NUDCD3: variants seen among roughly 807,000 people sequenced by gnomAD.
NUDCD3 encodes nudC domain-containing protein 3.
Under a neutral mutation model 39.7 loss-of-function variants are expected in NUDCD3, and 13 were observed. That is an observed-to-expected ratio of 0.33 (90% confidence interval 0.21 to 0.52). NUDCD3 has a LOEUF of 0.52. Among genes scored for constraint, NUDCD3 ranks in the 20% least tolerant of loss-of-function variants. The pLI is 0.96. For missense variants in NUDCD3, 453 were observed against 458.1 expected (o/e 0.99, Z 0.10); for synonymous variants, 175 against 172.4 (o/e 1.02, Z -0.12).
intron 2 of NUDCD3, chr7:44,467,947 C>A: frequency 6.2e-7 from 1 of 1,609,834 alleles, no homozygotes. Flanking sequence ...AAAAGAGAAC[C>A]AAGAAGTTCA....
chr7:44,425,756 C>T (rs1425463694), intron 3 of NUDCD3: 1 of 152,156 alleles, frequency 6.6e-6, no homozygotes, highest in Non-Finnish European at 1.5e-5. Flanking sequence ...GTCCCAGTTA[C>T]TCAGGAGGCT....
At chr7:44,460,962 C>T (rs1009675481) in intron 2 of NUDCD3, among the ~76,000 whole-genome samples, 1 of 152,128 alleles carries the variant, frequency 6.6e-6, no homozygotes, top group Non-Finnish European at 1.5e-5. Flanking sequence ...TGTATTTGAA[C>T]GGTGTGATAA....
At chr7:44,391,713 C>T (rs545990154) in intron 5 of NUDCD3, among the ~76,000 whole-genome samples, 6 of 152,288 alleles carry the variant, frequency 3.9e-5, no homozygotes, top group East Asian at 3.9e-4. Context: ...AATAGCTACT[C>T]TTGGAGTTAT....
At chr7:44,447,365 T>C (rs1227898318) in intron 2 of NUDCD3, among the ~76,000 whole-genome samples, 4 of 152,232 alleles carry the variant, frequency 2.6e-5, no homozygotes, top group South Asian at 2.1e-4. Flanking sequence ...CCATCTACTA[T>C]GGTTTGAATG....
rs34435177 is a variant in NUDCD3 at position 44,484,978 on chromosome 7, T to C, written c.499A>G (p.Ile167Val). The change falls in exon 2 of 6, where the codon ATT becomes GTT. Residue 167 changes from isoleucine (I) to valine (V), a missense_variant. Physicochemically the swap from Ile to Val is conservative, Grantham distance 29 (BLOSUM62 3). Transcript: ENST00000355451. Reference sequence around the variant, plus strand: ...AGTAGAAATTCCCACCTGGGAAGAATTGGTGGTTCCCTAGGGACTTCAGCA... The same window carrying C: ...AGTAGAAATTCCCACCTGGGAAGAACTGGTGGTTCCCTAGGGACTTCAGCA... The part of the protein sequence containing the change: ...GAAEVPREPP[I>V]LPRIQEQFQK... 2.6e-4 allele frequency: 410 copies of C among 1,598,392 alleles called. No homozygotes were observed. The African/African-American group carries it at 3.8e-3, about 15-fold the overall frequency.
intron 2 of NUDCD3, among the ~76,000 whole-genome samples, chr7:44,456,045 A>AC (rs1399427195): frequency 3.1e-4 from 42 of 133,492 alleles, no homozygotes; most frequent in African/African-American, 6.7e-4. Flanking sequence ...AAAAAAAAAA[A>AC]AAAAACAAAA....
intron 2 of NUDCD3, among the ~76,000 whole-genome samples, chr7:44,452,405 G>A (rs950452329): frequency 2.0e-5 from 3 of 152,188 alleles, no homozygotes; most frequent in South Asian, 2.1e-4. Context: ...ACTCCAGCCT[G>A]GCAACAGAGC....
At chr7:44,398,938 T>C (rs1798672823) in intron 4 of NUDCD3, among the ~76,000 whole-genome samples, 1 of 152,238 alleles carries the variant, frequency 6.6e-6, no homozygotes, top group African/African-American at 2.4e-5. Context: ...AGCACTGTTA[T>C]GAGCAATCTC....
chr7:44,427,467 A>G, intron 3 of NUDCD3, 104 bp downstream of exon 3: 1 of 1,312,836 alleles, frequency 7.6e-7, no homozygotes, highest in Non-Finnish European at 1.1e-6. Flanking sequence ...CTCACATCCT[A>G]AAGCCGATCT....
intron 2 of NUDCD3, among the ~76,000 whole-genome samples, chr7:44,441,245 G>A (rs1799578640): frequency 6.6e-6 from 1 of 152,180 alleles, no homozygotes; most frequent in Non-Finnish European, 1.5e-5. Context: ...TTTCACAACA[G>A]TCAGTATGTG....
rs1025717951 is a variant in NUDCD3 at position 44,402,645 on chromosome 7, G to A, written c.786+1795C>T. On this transcript the variant is annotated intron_variant, in intron 4 of 5. Transcript: ENST00000355451. ...GACCACACACGGGGTTGCTCACCAA[G>A]AGCTCCTCGCTCAGAGGGAACCAAC... 3 of 456,588 alleles carry A rather than the reference G, an allele frequency of 6.6e-6. No homozygotes were observed. The East Asian group carries it at 2.1e-4, about 32-fold the overall frequency. The allele number at this position is 456,588 out of a possible 1,614,324, so 28.3% of individuals were successfully genotyped here.
intron 2 of NUDCD3, among the ~76,000 whole-genome samples, chr7:44,443,125 T>C (rs1486853049): frequency 6.6e-6 from 1 of 152,192 alleles, no homozygotes; most frequent in East Asian, 1.9e-4. Context: ...CAAGAGAACC[T>C]ATATGGCTGT....
At chr7:44,401,037 A>T (rs1798714111) in intron 4 of NUDCD3, among the ~76,000 whole-genome samples, 1 of 152,216 alleles carries the variant, frequency 6.6e-6, no homozygotes, top group Admixed American at 6.5e-5. Context: ...TTGGAGATCA[A>T]CAAGACTACA....
At chr7:44,470,789 T>TTG (rs1202599019) in intron 2 of NUDCD3, among the ~76,000 whole-genome samples, 2 of 152,244 alleles carry the variant, frequency 1.3e-5, no homozygotes, top group African/African-American at 4.8e-5. Flanking sequence ...AGTTTAACTT[T>TTG]TAACTATTTT....
At chr7:44,458,054 T>C (rs1281020411) in intron 2 of NUDCD3, among the ~76,000 whole-genome samples, 1 of 152,244 alleles carries the variant, frequency 6.6e-6, no homozygotes, top group Non-Finnish European at 1.5e-5. Context: ...CTATTCCTCA[T>C]AATAGCAATC....
intron 3 of NUDCD3, among the ~76,000 whole-genome samples, chr7:44,421,975 T>C (rs1376689800): frequency 6.6e-6 from 1 of 152,128 alleles, no homozygotes; most frequent in Non-Finnish European, 1.5e-5. Context: ...GAACTCAGGA[T>C]TAAGAAACTC....
intron 2 of NUDCD3, among the ~76,000 whole-genome samples, chr7:44,477,417 C>T (rs1468918482): frequency 1.3e-5 from 2 of 152,216 alleles, no homozygotes; most frequent in Non-Finnish European, 2.9e-5. Flanking sequence ...GAATTCTGCT[C>T]GTGATTTTTA....
chr7:44,413,982 G>A (rs1388066290), intron 3 of NUDCD3, among the ~76,000 whole-genome samples: 1 of 151,774 alleles, frequency 6.6e-6, no homozygotes, highest in African/African-American at 2.4e-5. Context: ...TTAAGCCTAG[G>A]GAGGACAAGG....
At chr7:44,456,399 AC>A (rs1418685949) in intron 2 of NUDCD3, among the ~76,000 whole-genome samples, 1 of 152,232 alleles carries the variant, frequency 6.6e-6, no homozygotes, top group South Asian at 2.1e-4. Context: ...AAGTACCAGC[AC>A]AAGGTTAAAC....
Sources: allele counts gnomAD v4.1 joint callset (sites outside exome capture counted in the v4.1 genomes callset), GRCh38; gene constraint gnomAD v4.1.1; transcripts MANE v1.5; gene names NCBI Gene and HGNC (gene_info 2026-07-23, HGNC 2026-07-21).